Variants in PPARD observed in about 807,000 individuals in gnomAD.
PPARD encodes peroxisome proliferator-activated receptor delta.
Under a neutral mutation model 39.5 loss-of-function variants are expected in PPARD, and 6 were observed. The observed-to-expected ratio is 0.15, with a 90% confidence interval of 0.08 to 0.30. PPARD has a LOEUF of 0.30. PPARD is among the 10% of genes least tolerant of loss of function. The probability of loss-of-function intolerance (pLI) is 1.00; values close to 1 mark genes in which losing one functional copy is unlikely to be tolerated. For synonymous variants in PPARD, 210 were observed against 231.3 expected, an observed-to-expected ratio of 0.91 and a Z score of 0.83; for missense variants, 397 against 596.8, an observed-to-expected ratio of 0.67 and a Z score of 3.49.
chr6:35,398,610 A>G (rs1764493129), intron 2 of PPARD, among the ~76,000 whole-genome samples: 1 of 152,218 alleles, frequency 6.6e-6, no homozygotes, highest in Non-Finnish European at 1.5e-5. Flanking sequence ...GGAGAATGAA[A>G]GAGACCTTTA....
chr6:35,348,339 G>T (rs1469419736), intron 2 of PPARD: 5 of 985,254 alleles, frequency 5.1e-6, no homozygotes, highest in Non-Finnish European at 6.0e-6. Flanking sequence ...ATAACACACA[G>T]AATTGTTTCT....
Position 35,363,337 on chromosome 6 carries a change from A to G in PPARD, c.-102+16187A>G, listed in dbSNP as rs1376064111. On this transcript the variant is annotated intron_variant, in intron 2 of 7. Transcript: ENST00000360694. The surrounding 1 kb of genome is among the most constrained non-coding windows in gnomAD (Gnocchi z 4.5). ...GCGTTCCTGTGGGCCTGCCTGGATC[A>G]TATCTGTTCTGCTGTGATCCCAGGC... Among the ~76,000 whole-genome samples, 1 of 152,140 alleles carries G rather than the reference A, an allele frequency of 6.6e-6. No individual in the cohort carries two copies. The highest frequency in any genetic ancestry group is 2.4e-5 in the African/African-American group (1 of 41,418).
At chr6:35,358,026 C>T (rs1441289791) in intron 2 of PPARD, among the ~76,000 whole-genome samples, 2 of 152,114 alleles carry the variant, frequency 1.3e-5, no homozygotes, top group African/African-American at 2.4e-5. Context: ...CCCTTTATAA[C>T]CCCTGTAACC....
At chr6:35,399,624 A>G (rs1554210189) in intron 2 of PPARD, among the ~76,000 whole-genome samples, 1 of 152,144 alleles carries the variant, frequency 6.6e-6, no homozygotes, top group Non-Finnish European at 1.5e-5. Context: ...CTGAAGTAGG[A>G]GGATCACTTG....
chr6:35,358,739 A>G (rs1281899430), intron 2 of PPARD, among the ~76,000 whole-genome samples: 7 of 152,228 alleles, frequency 4.6e-5, no homozygotes, highest in Non-Finnish European at 1.5e-5. Flanking sequence ...CTTTCAGACC[A>G]GTGAGGATGT....
chr6:35,345,874 GT>G (rs947186291), intron 1 of PPARD, among the ~76,000 whole-genome samples: 172 of 114,608 alleles, frequency 1.5e-3, no homozygotes, highest in East Asian at 4.1e-3. Flanking sequence ...CTTTTTTTTC[GT>G]TTTTTTTTTT....
At chr6:35,421,766 C>G in intron 4 of PPARD, 54 bp from the exon 5 acceptor site, 1 of 1,543,066 alleles carries the variant, frequency 6.5e-7, no homozygotes, top group Non-Finnish European at 8.8e-7. Flanking sequence ...CCCTTTGGCA[C>G]AGCCTCCCTC....
chr6:35,384,307 G>A (rs1350376093), intron 2 of PPARD, among the ~76,000 whole-genome samples: 7 of 140,912 alleles, frequency 5.0e-5, no homozygotes, highest in African/African-American at 1.9e-4. Context: ...CGGGAGGGAG[G>A]TCGGGGCGTC....
rs1762238583 is a variant in PPARD, at chr6:35,366,994, A to T, written c.-102+19844A>T. Among the ~76,000 whole-genome samples the T allele has an allele frequency of 6.6e-6, 1 of 152,216 alleles. No individual in the cohort carries two copies. Among genetic ancestry groups the T allele is most frequent in the South Asian group, 2.1e-4 (1 of 4,834 alleles). On this transcript the variant is annotated intron_variant, in intron 2 of 7. Transcript: ENST00000360694. This position sits in a 1 kb window ranked among gnomAD's most constrained non-coding sequence, Gnocchi z 4.6. Reference sequence around the variant, plus strand: ...TAAAGGTAGTAAGTTGCAGAGCAGCACTCAGACCTGCCTGGCTTTGATGAC... The same window carrying T: ...TAAAGGTAGTAAGTTGCAGAGCAGCTCTCAGACCTGCCTGGCTTTGATGAC...
chr6:35,353,666 G>T (rs1291503277), intron 2 of PPARD, among the ~76,000 whole-genome samples: 1 of 152,172 alleles, frequency 6.6e-6, no homozygotes, highest in Non-Finnish European at 1.5e-5. Context: ...GGAATGGGGA[G>T]GACAAATTAG....
chr6:35,350,660 G>T (rs1761188830), intron 2 of PPARD, among the ~76,000 whole-genome samples: 1 of 7,820 alleles, frequency 1.3e-4, no homozygotes, highest in Non-Finnish European at 2.3e-4. Flanking sequence ...TTGCTCTGTT[G>T]CCCAGGATGG....
chr6:35,348,245 C>A, intron 2 of PPARD: 1 of 681,716 alleles, frequency 1.5e-6, no homozygotes, highest in Non-Finnish European at 1.8e-6. Context: ...ATGTGCCAGG[C>A]ACTTGGGAAA....
At chr6:35,361,316 C>T (rs1468525075) in intron 2 of PPARD, among the ~76,000 whole-genome samples, 3 of 152,044 alleles carry the variant, frequency 2.0e-5, no homozygotes, top group African/African-American at 7.2e-5. Context: ...CACCCAGCAC[C>T]ATAGGTGGAT....
At chr6:35,417,020 C>A (rs1419258261) in intron 3 of PPARD, among the ~76,000 whole-genome samples, 1 of 152,138 alleles carries the variant, frequency 6.6e-6, no homozygotes, top group Non-Finnish European at 1.5e-5. Context: ...TCTGTCACCA[C>A]AGGCTGGAGT....
At chr6:35,400,902 A>G (rs1197397443) in intron 2 of PPARD, among the ~76,000 whole-genome samples, 1 of 152,150 alleles carries the variant, frequency 6.6e-6, no homozygotes, top group Non-Finnish European at 1.5e-5. Flanking sequence ...TCCTGGTCAC[A>G]AGAGCTCTGT....
intron 2 of PPARD, among the ~76,000 whole-genome samples, chr6:35,355,479 G>C (rs2150459273): frequency 6.7e-6 from 1 of 148,686 alleles, no homozygotes; most frequent in Admixed American, 6.7e-5. Context: ...TCAAGCCGAG[G>C]AGGTTGAGGC....
Position 35,421,961 on chromosome 6 carries a change from G to A in PPARD, c.424+3G>A. On this transcript the variant is annotated splice_donor_region_variant and intron_variant, in intron 5 of 7. Coordinates refer to ENST00000360694, the MANE Select transcript of PPARD (RefSeq NM_006238.5). Reference sequence around the variant, plus strand: ...GGCACTGGGCATGTCACACAACGGTGAGAGCTGACCAGGGCAACTCACGGG... The same window carrying A: ...GGCACTGGGCATGTCACACAACGGTAAGAGCTGACCAGGGCAACTCACGGG... 1 of 1,608,346 alleles carries A rather than the reference G, an allele frequency of 6.2e-7. No individual in the cohort carries two copies. The highest frequency in any genetic ancestry group is 8.5e-7 in the Non-Finnish European group (1 of 1,176,672).
At chr6:35,397,819 G>A (rs904474225) in intron 2 of PPARD, among the ~76,000 whole-genome samples, 34 of 152,226 alleles carry the variant, frequency 2.2e-4, no homozygotes, top group African/African-American at 7.2e-4. Flanking sequence ...GTACCTGAGG[G>A]TGGACTACGC....
chr6:35,356,322 C>T (rs1243726106), intron 2 of PPARD, among the ~76,000 whole-genome samples: 2 of 152,076 alleles, frequency 1.3e-5, no homozygotes, highest in Non-Finnish European at 2.9e-5. Context: ...AGTGGAAGTA[C>T]AAGCCAACTT....
Sources: gnomAD v4.1 joint callset for allele counts (sites outside exome capture counted in the v4.1 genomes callset) on GRCh38, gnomAD v4.1.1 for gene constraint, Gnocchi (gnomAD v3.1) non-coding constraint, MANE v1.5 for transcripts, NCBI Gene and HGNC (gene_info 2026-07-23, HGNC 2026-07-21) for gene names.